Variants in TPTE2 observed in about 807,000 individuals in gnomAD.
The protein encoded by TPTE2 is transmembrane phosphoinositide 3-phosphatase and tensin homolog 2, also known as phosphatidylinositol 3,4,5-trisphosphate 3-phosphatase TPTE2.
TPTE2 carries 53 observed loss-of-function variants against 78.6 expected under a neutral mutation model. That is an observed-to-expected ratio of 0.67 (90% confidence interval 0.54 to 0.85). TPTE2 has a LOEUF of 0.85. Among genes scored for constraint, TPTE2 ranks in the 40% least tolerant of loss-of-function variants. The pLI is 0.00. For missense variants in TPTE2, 461 were observed against 623.0 expected (o/e 0.74, Z 2.77); for synonymous variants, 175 against 206.2 (o/e 0.85, Z 1.30).
intron 3 of TPTE2, among the ~76,000 whole-genome samples, chr13:19,487,282 G>A (rs1468534338): frequency 1.3e-5 from 2 of 152,066 alleles, no homozygotes; most frequent in African/African-American, 2.4e-5. Context: ...TGAGACACAG[G>A]TGCAAGGCCC....
At chr13:19,507,267 A>G (rs976589209), upstream of TPTE2, among the ~76,000 whole-genome samples, 4 of 149,014 alleles carry the variant, frequency 2.7e-5, no homozygotes, top group Non-Finnish European at 5.9e-5. Context: ...TATTCAAATT[A>G]GCTACAATAA....
At chr13:19,536,329 CTATAAT>C (rs904199474) in intron 1 of TPTE2, among the ~76,000 whole-genome samples, 2 of 152,070 alleles carry the variant, frequency 1.3e-5, no homozygotes, top group African/African-American at 4.8e-5. Context: ...ATAACATATA[CTATAAT>C]TATAATATAG....
At chr13:19,438,859 T>G (rs1447937646) in intron 13 of TPTE2, among the ~76,000 whole-genome samples, 3 of 152,096 alleles carry the variant, frequency 2.0e-5, no homozygotes, top group Non-Finnish European at 2.9e-5. Context: ...AGGACAGCAT[T>G]CGACTGATAA....
At position 19,422,888 on chromosome 13, in the gene TPTE2, T is replaced by C. The variant is rs573101608; in HGVS notation, c.*174A>G. On this transcript the variant is annotated 3_prime_UTR_variant, in exon 20 of 20. Coordinates refer to ENST00000400230, the Ensembl canonical transcript of TPTE2. ...GAAAAACACTGACATTTTATCTATA[T>C]ATATTTAATAGATTTATGAAGAACA... is the stretch of plus-strand genomic sequence containing the variant. 23 of 549,032 alleles carry C rather than the reference T, an allele frequency of 4.2e-5. No homozygotes were observed. The Middle Eastern group carries it at 1.7e-3, about 41-fold the overall frequency. The allele number at this position is 549,032 out of a possible 1,614,324, so 34.0% of individuals were successfully genotyped here. A position where few individuals can be genotyped will look rare whatever the true frequency, so the allele number is the denominator to read the frequency against.
chr13:19,507,304 T>TTAAA (rs1555255240), upstream of TPTE2, among the ~76,000 whole-genome samples: 1 of 112,196 alleles, frequency 8.9e-6, no homozygotes. Flanking sequence ...CTAGCTGTTC[T>TTAAA]AAAAAAAAAA....
At chr13:19,469,331 G>C (rs1879467801) in intron 6 of TPTE2, among the ~76,000 whole-genome samples, 5 of 152,116 alleles carry the variant, frequency 3.3e-5, no homozygotes, top group Admixed American at 3.3e-4. Flanking sequence ...TGAGTTCACT[G>C]TAAGTGTGTG....
intron 1 of TPTE2, among the ~76,000 whole-genome samples, chr13:19,521,516 A>C (rs1195976054): frequency 6.6e-6 from 1 of 151,980 alleles, no homozygotes; most frequent in African/African-American, 2.4e-5. Flanking sequence ...ATGTCCTTTA[A>C]TTCATTCTGC....
At chr13:19,434,011 A>G (rs1418748985) in intron 15 of TPTE2, among the ~76,000 whole-genome samples, 1 of 152,206 alleles carries the variant, frequency 6.6e-6, no homozygotes, top group African/African-American at 2.4e-5. Context: ...CCCTCAAGCT[A>G]CTTGTGCTCC....
intron 1 of TPTE2, among the ~76,000 whole-genome samples, chr13:19,511,582 T>C (rs1869444786): frequency 6.6e-6 from 1 of 152,052 alleles, no homozygotes; most frequent in Admixed American, 6.6e-5. Flanking sequence ...GGGCATCAGG[T>C]TCTTTGGGTA....
the TPTE2 span, among the ~76,000 whole-genome samples, chr13:19,545,005 G>T: frequency 6.6e-6 from 1 of 151,232 alleles, no homozygotes; most frequent in Non-Finnish European, 1.5e-5. Flanking sequence ...CTTAAACTGT[G>T]GCAAACTGAA....
chr13:19,496,363 A>G (rs1416242290), intron 1 of TPTE2, among the ~76,000 whole-genome samples: 1 of 152,226 alleles, frequency 6.6e-6, no homozygotes, highest in African/African-American at 2.4e-5. Context: ...CCAATGCACG[A>G]CAGCCTTTTG....
chr13:19,462,051 G>A (rs990187123), intron 10 of TPTE2, among the ~76,000 whole-genome samples: 43 of 147,804 alleles, frequency 2.9e-4, no homozygotes, highest in Admixed American at 6.7e-5. Flanking sequence ...CTGTCATTTT[G>A]TTCATTTTTT....
intron 13 of TPTE2, among the ~76,000 whole-genome samples, chr13:19,444,971 T>C (rs1877734766): frequency 6.6e-6 from 1 of 152,124 alleles, no homozygotes; most frequent in African/African-American, 2.4e-5. Context: ...ACCACACACA[T>C]AAATCAAGTT....
At chr13:19,479,686 A>G (rs1046433686) in intron 4 of TPTE2, among the ~76,000 whole-genome samples, 22 of 152,156 alleles carry the variant, frequency 1.4e-4, no homozygotes, top group African/African-American at 4.1e-4. Flanking sequence ...GATAGAGGCC[A>G]GGCGCGGTGG....
intron 1 of TPTE2, among the ~76,000 whole-genome samples, chr13:19,500,107 T>C (rs1240619683): frequency 6.6e-6 from 1 of 151,650 alleles, no homozygotes; most frequent in Admixed American, 6.6e-5. Flanking sequence ...CAGGAAGAAG[T>C]TGAGTCTCTG....
At chr13:19,424,076 T>C (rs1208291474) in intron 19 of TPTE2, among the ~76,000 whole-genome samples, 9 of 152,258 alleles carry the variant, frequency 5.9e-5, no homozygotes, top group African/African-American at 2.2e-4. Context: ...GTTGCCTTGC[T>C]GGACTTAAGG....
At chr13:19,554,665 GATCTATCCTTC>G in the TPTE2 span, among the ~76,000 whole-genome samples, 1 of 152,138 alleles carries the variant, frequency 6.6e-6, no homozygotes, top group Non-Finnish European at 1.5e-5. Context: ...GATTGCATAT[GATCTATCCTTC>G]AGCTTACCTC....
chr13:19,557,592 A>G, the TPTE2 span, among the ~76,000 whole-genome samples: 1 of 152,182 alleles, frequency 6.6e-6, no homozygotes, highest in Non-Finnish European at 1.5e-5. Flanking sequence ...AAACTCATCT[A>G]TTCATCAAGC....
intron 1 of TPTE2, 30 bp from the exon 5 acceptor site, chr13:19,493,531 G>C (rs1294514979): frequency 6.2e-7 from 1 of 1,605,106 alleles, no homozygotes; most frequent in African/African-American, 1.3e-5. Context: ...TACAGTCAGA[G>C]AGGAGACATA....
Sources: allele counts gnomAD v4.1 joint callset (sites outside exome capture counted in the v4.1 genomes callset), GRCh38; gene constraint gnomAD v4.1.1; transcripts MANE v1.5; gene names NCBI Gene and HGNC (gene_info 2026-07-23, HGNC 2026-07-21).